MICAL2: variants seen among roughly 807,000 people sequenced by gnomAD.
The protein encoded by MICAL2 is [F-actin]-monooxygenase MICAL2.
A neutral mutation model predicts 127.3 loss-of-function variants in MICAL2; 77 were observed. The ratio of observed to expected loss-of-function variants is 0.60; its 90% CI spans 0.50 to 0.73. The LOEUF (loss-of-function observed/expected upper bound fraction) is 0.73. Among genes scored for constraint, MICAL2 ranks in the 30% least tolerant of loss-of-function variants. The pLI, the probability that MICAL2 is intolerant of heterozygous loss-of-function variation, is 0.00. For missense variants in MICAL2, 1,351 were observed against 1,434.4 expected (o/e 0.94, Z 0.94); for synonymous variants, 570 against 551.1 (o/e 1.03, Z -0.48).
intron 21 of MICAL2, among the ~76,000 whole-genome samples, chr11:12,248,583 C>T (rs757326610): frequency 6.6e-6 from 1 of 152,218 alleles, no homozygotes; most frequent in African/African-American, 2.4e-5. Context: ...AATTGCCCCT[C>T]AGTCCTCCAG....
intron 1 of MICAL2, among the ~76,000 whole-genome samples, chr11:12,114,612 A>G (rs900600986): frequency 6.6e-6 from 1 of 152,138 alleles, no homozygotes; most frequent in Non-Finnish European, 1.5e-5. Context: ...CGTGTCTGGG[A>G]CACGCAGAGG....
chr11:12,328,610 T>C (rs1438468900), intron 32 of MICAL2, among the ~76,000 whole-genome samples: 2 of 152,178 alleles, frequency 1.3e-5, no homozygotes, highest in African/African-American at 2.4e-5. Context: ...GGCTCATGAA[T>C]TGGGGGGCCC....
intron 22 of MICAL2, among the ~76,000 whole-genome samples, chr11:12,251,601 AAAAG>A (rs1384606412): frequency 7.0e-6 from 1 of 143,082 alleles, no homozygotes; most frequent in Non-Finnish European, 1.5e-5. Flanking sequence ...AAAAAAAAAA[AAAAG>A]GAATGTCACC....
chr11:12,224,580 G>C, intron 12 of MICAL2, 93 bp from the exon 13 acceptor site: 1 of 1,527,178 alleles, frequency 6.5e-7, no homozygotes, highest in South Asian at 1.2e-5. Flanking sequence ...GCTCGTCCTG[G>C]TCCCCAGCCA....
chr11:12,202,784 G>A (rs75094002), intron 3 of MICAL2, among the ~76,000 whole-genome samples: 2,367 of 152,194 alleles, frequency 0.016, 22 homozygotes, highest in Admixed American at 0.025. Flanking sequence ...TTTCTCATGC[G>A]CTTTTTAAAA....
intron 31 of MICAL2, among the ~76,000 whole-genome samples, chr11:12,326,001 T>C (rs1453877721): frequency 6.6e-6 from 1 of 152,356 alleles, no homozygotes; most frequent in Non-Finnish European, 1.5e-5. Context: ...AAGTAGACTT[T>C]CCATCTATTT....
chr11:12,260,182 C>T (rs1862904948), intron 26 of MICAL2: 10 of 1,494,132 alleles, frequency 6.7e-6, no homozygotes, highest in Non-Finnish European at 8.9e-6. Flanking sequence ...ACATGGCTGG[C>T]TGCCCCAAAG....
downstream of MICAL2, chr11:12,293,894 GA>G (rs748491120): frequency 3.7e-6 from 6 of 1,610,546 alleles, no homozygotes; most frequent in African/African-American, 8.0e-5. Context: ...AGAAGACCGG[GA>G]AAAAGGGAGT....
At chr11:12,298,106 G>A (rs1208160646) in intron 29 of MICAL2, among the ~76,000 whole-genome samples, 2 of 151,828 alleles carry the variant, frequency 1.3e-5, no homozygotes, top group East Asian at 3.9e-4. Context: ...AAATTTATAA[G>A]TAACTTGGCA....
intron 1 of MICAL2, among the ~76,000 whole-genome samples, chr11:12,119,524 C>T (rs74448623): frequency 0.036 from 5,487 of 152,302 alleles, 163 homozygotes; most frequent in South Asian, 0.084. Flanking sequence ...GTGAAGGCAA[C>T]TGGCTGACTG....
intron 29 of MICAL2, among the ~76,000 whole-genome samples, chr11:12,318,676 G>A (rs947275297): frequency 1.8e-4 from 28 of 152,136 alleles, no homozygotes; most frequent in Non-Finnish European, 3.8e-4. Flanking sequence ...ATTTCGTATC[G>A]TGGAGTCCTA....
chr11:12,161,270 C>T (rs938722392), intron 2 of MICAL2, among the ~76,000 whole-genome samples: 3 of 152,222 alleles, frequency 2.0e-5, no homozygotes, highest in African/African-American at 7.2e-5. Context: ...ATGGCCAAAG[C>T]CCAGGCAAGC....
At chr11:12,143,567 A>G (rs905058413) in intron 2 of MICAL2, among the ~76,000 whole-genome samples, 3 of 152,164 alleles carry the variant, frequency 2.0e-5, no homozygotes, top group Admixed American at 6.5e-5. Flanking sequence ...CTCACACACC[A>G]ATGGAAGTGA....
intron 2 of MICAL2, among the ~76,000 whole-genome samples, chr11:12,149,851 A>C (rs898759178): frequency 2.6e-5 from 4 of 152,240 alleles, no homozygotes; most frequent in Admixed American, 6.5e-5. Context: ...TCATGAGGAC[A>C]CAGATACTGG....
chr11:12,259,922 A>G, intron 26 of MICAL2, 25 bp downstream of exon 26: 1 of 1,611,166 alleles, frequency 6.2e-7, no homozygotes, highest in Non-Finnish European at 8.5e-7. Context: ...TTCTTTAGGA[A>G]GGTGCTGGGC....
At chr11:12,165,202 G>A (rs893186239) in intron 3 of MICAL2, among the ~76,000 whole-genome samples, 2 of 151,692 alleles carry the variant, frequency 1.3e-5, no homozygotes, top group Admixed American at 1.3e-4. Context: ...AAAAATGGGT[G>A]TCATCTACAG....
chr11:12,118,821 T>A (rs1850263002), intron 1 of MICAL2, among the ~76,000 whole-genome samples: 1 of 152,164 alleles, frequency 6.6e-6, no homozygotes, highest in Admixed American at 6.5e-5. Flanking sequence ...ATTTGTGAAG[T>A]CCCTTGCCTG....
chr11:12,189,716 C>T (rs896431961), intron 3 of MICAL2, among the ~76,000 whole-genome samples: 2 of 152,206 alleles, frequency 1.3e-5, no homozygotes, highest in Non-Finnish European at 2.9e-5. Context: ...CATATGTGGG[C>T]TTCCGCAGGC....
At chr11:12,292,127 G>A (rs756765739), downstream of MICAL2, 7 of 1,611,080 alleles carry the variant, frequency 4.3e-6, no homozygotes, top group Admixed American at 1.0e-4. Context: ...TGAAGAGTGT[G>A]TTCTTTCCTT....
Sources: allele counts gnomAD v4.1 joint callset (sites outside exome capture counted in the v4.1 genomes callset), GRCh38; gene constraint gnomAD v4.1.1; transcripts MANE v1.5; gene names NCBI Gene and HGNC (gene_info 2026-07-23, HGNC 2026-07-21).